WDR97: variants seen among roughly 807,000 people sequenced by gnomAD.
The protein encoded by WDR97 is WD repeat domain 97.
In WDR97, 111 loss-of-function variants were observed where a neutral mutation model predicts 65.4. The ratio of observed to expected loss-of-function variants is 1.70; its 90% CI spans 1.45 to 1.99. The LOEUF is 1.99. Ranked by LOEUF, WDR97 falls within the 30% of genes most tolerant of loss-of-function variation. WDR97 has a pLI of 0.00. For synonymous variants in WDR97, 802 were observed against 397.7 expected, an observed-to-expected ratio of 2.02 and a Z score of -12.10; for missense variants, 1,674 against 865.0, an observed-to-expected ratio of 1.94 and a Z score of -11.73.
At position 144,112,466 on chromosome 8, in the gene WDR97, G is replaced by A. The variant is rs544873138; in HGVS notation, c.3041G>A (p.Arg1014Lys). 101 of 702,700 alleles carry A rather than the reference G, an allele frequency of 1.4e-4. No homozygotes were observed. Among genetic ancestry groups the A allele is most frequent in the African/African-American group, 1.3e-3 (72 of 57,366 alleles). 43.5% of individuals were successfully genotyped at this position (702,700 alleles called of 1,614,324 possible). A position where few individuals can be genotyped will look rare whatever the true frequency, so the allele number is the denominator to read the frequency against. The change falls in exon 15 of 24, where the codon AGA becomes AAA. Residue 1014 changes from arginine (R) to lysine (K), a missense_variant. Transcript: ENST00000323662. Reference sequence around the variant, plus strand: ...CCCCAGATCCCACTGCTGCCAAAGAGATGGGACAAGGAACCTCTCTCTAGC... The same window carrying A: ...CCCCAGATCCCACTGCTGCCAAAGAAATGGGACAAGGAACCTCTCTCTAGC... ...LQCRIPLLPKRWDKEPLSSLR... is the reference protein window; with the variant it reads ...LQCRIPLLPKKWDKEPLSSLR...
intron 21 of WDR97, 27 bp from the exon 22 acceptor site, chr8:144,115,314 A>C (rs1391155881): frequency 1.7e-6 from 1 of 585,916 alleles, no homozygotes; most frequent in Non-Finnish European, 3.0e-6. Flanking sequence ...GGTCTCTAAG[A>C]CCTTAGCACT....
chr8:144,109,082 A>G lies in WDR97; in HGVS notation c.912A>G (p.Val304=), dbSNP rs778840366. 3 of 703,146 alleles carry G rather than the reference A, an allele frequency of 4.3e-6. No homozygotes were observed. The highest frequency in any genetic ancestry group is 7.8e-6 in the Non-Finnish European group (3 of 385,034). 43.6% of individuals were successfully genotyped at this position (703,146 alleles called of 1,614,324 possible). Residue 304 remains valine, a synonymous_variant, in exon 4 of 24, where the codon GTA becomes GTG. Transcript: ENST00000323662. ...TISDLAYCEE[V]EAMVTASRDS... ...CGGACCTGGCTTACTGCGAGGAAGT[A>G]GAGGCAATGGTGACAGCTTCCCGGG...
In WDR97 at chr8:144,109,524, C is replaced by T. The variant is rs911254259; in HGVS notation, c.1190C>T (p.Pro397Leu). 3 of 697,110 alleles carry T rather than the reference C, an allele frequency of 4.3e-6. No individual in the cohort carries two copies. The highest frequency in any genetic ancestry group is 3.5e-5 in the African/African-American group (2 of 56,986). 43.2% of individuals were successfully genotyped at this position (697,110 alleles called of 1,614,324 possible). The part of the protein sequence containing the change: ...RLLAPVRPGW[P>L]VLSLCASSMQ... ...CTGGCGCCGGTGCGCCCGGGCTGGC[C>T]GGTGCTGTCCCTGTGCGCGAGCAGC... Residue 397 changes from proline (P) to leucine (L), a missense_variant, in exon 5 of 24, where the codon CCG (proline) becomes CTG (leucine). Transcript: ENST00000323662.
Position 144,108,612 on chromosome 8 carries a change from CCTGCTGTGG to C in WDR97, c.550_558del (p.Leu184_Leu186del). The C allele has an allele frequency of 1.4e-6, 1 of 700,678 alleles. No homozygotes were observed. Among genetic ancestry groups the C allele is most frequent in the Non-Finnish European group, 2.6e-6 (1 of 384,436 alleles). 43.4% of individuals were successfully genotyped at this position (700,678 alleles called of 1,614,324 possible). A position where few individuals can be genotyped will look rare whatever the true frequency, so the allele number is the denominator to read the frequency against. ...TGGCAATTCTGAGGCCCAACCTCAG[CCTGCTGTGG>C]CTGAGCGAGCAGGGGGTGGGCAGGG... On this transcript the variant is annotated inframe_deletion, in exon 3 of 24. Coordinates refer to ENST00000323662, the MANE Select transcript of WDR97 (RefSeq NM_001316309.2).
rs1482087410 is a variant in WDR97 at position 144,111,406 on chromosome 8, G to A, written c.2427-20G>A. 1.4e-6 allele frequency: 1 copy of A among 702,762 alleles called. No homozygotes were observed. 43.5% of individuals were successfully genotyped at this position (702,762 alleles called of 1,614,324 possible). ...TGGCATGCCACCCAGCATCCCACCT[G>A]TGCCTGTCCCTGTTTGCAGCGAGGC... is the stretch of plus-strand genomic sequence containing the variant. On this transcript the variant is annotated intron_variant, in intron 10 of 23. Transcript: ENST00000323662.
intron 1 of WDR97, 50 bp from the exon 2 acceptor site, chr8:144,108,009 G>A (rs1836452223): frequency 1.4e-6 from 1 of 702,548 alleles, no homozygotes; most frequent in Middle Eastern, 2.4e-4. Flanking sequence ...AACCGTCAGG[G>A]TCGAGGACCT....
In WDR97 at chr8:144,114,436, C is replaced by T. The variant is rs367874342; in HGVS notation, c.3753C>T (p.Leu1251=). The T allele has an allele frequency of 7.3e-5, 51 of 702,824 alleles. No individual in the cohort carries two copies. Among genetic ancestry groups the T allele is most frequent in the East Asian group, 7.0e-4 (26 of 37,286 alleles). The allele number at this position is 702,824 out of a possible 1,614,324, so 43.5% of individuals were successfully genotyped here. A position where few individuals can be genotyped will look rare whatever the true frequency, so the allele number is the denominator to read the frequency against. Residue 1251 remains leucine (L), a synonymous_variant, in exon 19 of 24, where the codon CTC becomes CTT. Transcript: ENST00000323662. ...SDLQGQLQGL[L]VHLLNLDQPP... ...TCCAAGGCCAGCTGCAGGGCCTGCT[C>T]GTACACTTGCTCAACCTGGACCAGC...
intron 18 of WDR97, 34 bp downstream of exon 18, chr8:144,114,196 G>C: frequency 1.4e-6 from 1 of 699,286 alleles, no homozygotes; most frequent in Non-Finnish European, 2.6e-6. Context: ...GAGAAGCATG[G>C]GTTAGGGTGA....
chr8:144,112,668 C>A, intron 15 of WDR97, 138 bp downstream of exon 15: 1 of 650,686 alleles, frequency 1.5e-6, no homozygotes, highest in Non-Finnish European at 2.8e-6. Flanking sequence ...GAGGGCCAGG[C>A]TGTAGCCTCC....
rs1836503238 is a variant in WDR97 at position 144,109,686 on chromosome 8, C to T, written c.1352C>T (p.Ala451Val). Residue 451 changes from alanine (A) to valine (V), a missense_variant, in exon 5 of 24, where the codon GCC becomes GTC. Physicochemically the swap from Ala to Val is moderately conservative, Grantham distance 64. Transcript: ENST00000323662. ...SLPTRLVCAC[A>V]DGSVYLLSAA... is the part of the protein sequence containing the mutation. ...CCTACGCGCCTCGTGTGCGCGTGCG[C>T]CGACGGCTCGGTCTACCTCCTGTCG... 1.5e-6 allele frequency: 1 copy of T among 670,220 alleles called. No homozygotes were observed. The highest frequency in any genetic ancestry group is 1.9e-5 in the African/African-American group (1 of 53,252). 41.5% of individuals were successfully genotyped at this position (670,220 alleles called of 1,614,324 possible).
In WDR97 at chr8:144,109,853, C is replaced by T; in HGVS notation, c.1519C>T (p.Pro507Ser). The T allele has an allele frequency of 1.4e-6, 1 of 698,400 alleles. No individual in the cohort carries two copies. The highest frequency in any genetic ancestry group is 2.6e-6 in the Non-Finnish European group (1 of 382,610). The allele number at this position is 698,400 out of a possible 1,614,324, so 43.3% of individuals were successfully genotyped here. A position where few individuals can be genotyped will look rare whatever the true frequency, so the allele number is the denominator to read the frequency against. Residue 507 changes from proline to serine, a missense_variant, in exon 5 of 24, where the codon CCC becomes TCC. By Grantham distance (74) the Pro-to-Ser change is moderately conservative. Transcript: ENST00000323662. ...GGTCCGCGCCAACGCGGCGCGCTGC[C>T]CCATGAGCGTGCTGCACCGCGTGTG... ...HLVRANAARC[P>S]MSVLHRVCPP...
chr8:144,109,621 G>T lies in WDR97; in HGVS notation c.1287G>T (p.Gln429His). The T allele has an allele frequency of 1.5e-6, 1 of 683,572 alleles. No homozygotes were observed. The highest frequency in any genetic ancestry group is 2.7e-6 in the Non-Finnish European group (1 of 376,584). 42.3% of individuals were successfully genotyped at this position (683,572 alleles called of 1,614,324 possible). A position where few individuals can be genotyped will look rare whatever the true frequency, so the allele number is the denominator to read the frequency against. Residue 429 changes from glutamine (Q) to histidine (H), a missense_variant, in exon 5 of 24, where the codon CAG becomes CAT. Coordinates refer to ENST00000323662, the MANE Select transcript of WDR97 (RefSeq NM_001316309.2). The stretch of plus-strand genomic sequence containing the variant: ...TGCCCGCCAAGGTGCTCCACGTGCA[G>T]GTGGCGCCCGCGTTGCCCGCGCCTG... Reference protein sequence around the residue: ...AQLPAKVLHVQVAPALPAPAH... With the variant: ...AQLPAKVLHVHVAPALPAPAH...
Position 144,111,712 on chromosome 8 carries a change from A to G in WDR97, c.2568A>G (p.Pro856=). The change falls in exon 12 of 24, where the codon CCA becomes CCG. Residue 856 remains proline, a synonymous_variant. Coordinates refer to ENST00000323662, the MANE Select transcript of WDR97 (RefSeq NM_001316309.2). Reference sequence around the variant, plus strand: ...TAGTGGTCCCAGCAGCCCAGCCCCCACCCTCCTGGCAGCAGCGCCAGGAAG... The same window carrying G: ...TAGTGGTCCCAGCAGCCCAGCCCCCGCCCTCCTGGCAGCAGCGCCAGGAAG... ...LGLVVPAAQP[P]PSWQQRQEGF... 2.9e-6 allele frequency: 2 copies of G among 696,836 alleles called. No individual in the cohort carries two copies. Among genetic ancestry groups the G allele is most frequent in the South Asian group, 3.0e-5 (2 of 67,244 alleles). The allele number at this position is 696,836 out of a possible 1,614,324, so 43.2% of individuals were successfully genotyped here.
Position 144,115,948 on chromosome 8 carries a change from AC to A in WDR97, c.4605del (p.Ile1536SerfsTer17), listed in dbSNP as rs1458280462. 6 of 700,420 alleles carry A rather than the reference AC, an allele frequency of 8.6e-6. No homozygotes were observed. The highest frequency in any genetic ancestry group is 2.0e-5 in the Admixed American group (1 of 49,938). The allele number at this position is 700,420 out of a possible 1,614,324, so 43.4% of individuals were successfully genotyped here. Reference sequence around the variant, plus strand: ...ACCCTCCTCTTTGCCTCCAGGTACCACCCCATCCTCCGGCTGCAGGAGGCCA... The same window carrying A: ...ACCCTCCTCTTTGCCTCCAGGTACCACCCATCCTCCGGCTGCAGGAGGCCA... ...VVPPPREHWY[H>X]PILRLQEAKP... On this transcript the variant is annotated frameshift_variant, in exon 23 of 24. Coordinates refer to ENST00000323662, the MANE Select transcript of WDR97 (RefSeq NM_001316309.2). LOFTEE classifies it high-confidence loss of function.
chr8:144,111,878 A>G lies in WDR97; in HGVS notation c.2638-9A>G. ...CTCTGATGGTCTGTCTGCTCCTGCT[A>G]CCTCCCAGGGCATGCAGTCTGGAAG... On this transcript the variant is annotated splice_polypyrimidine_tract_variant and intron_variant, in intron 12 of 23. Coordinates refer to ENST00000323662, the MANE Select transcript of WDR97 (RefSeq NM_001316309.2). The G allele has an allele frequency of 1.4e-6, 1 of 697,880 alleles. No homozygotes were observed. The highest frequency in any genetic ancestry group is 2.3e-4 in the Middle Eastern group (1 of 4,354). The allele number at this position is 697,880 out of a possible 1,614,324, so 43.2% of individuals were successfully genotyped here.
rs1042519889 is a variant in WDR97, at chr8:144,114,369, T to C, written c.3686T>C (p.Leu1229Pro). The C allele has an allele frequency of 2.0e-5, 14 of 702,802 alleles. No homozygotes were observed. The highest frequency in any genetic ancestry group is 2.0e-5 in the Admixed American group (1 of 50,012). 43.5% of individuals were successfully genotyped at this position (702,802 alleles called of 1,614,324 possible). A position where few individuals can be genotyped will look rare whatever the true frequency, so the allele number is the denominator to read the frequency against. ...ACGTGGGTCGACCGTGTGCACATCC[T>C]GCAGGTGCTACTGAGACTGCTGCCC... ...KTTWVDRVHI[L>P]QVLLRLLPNM... The change falls in exon 19 of 24, where the codon CTG (leucine) becomes CCG (proline). Residue 1229 changes from leucine (L) to proline (P), a missense_variant. Transcript: ENST00000323662.
chr8:144,115,352 G>A lies in WDR97; in HGVS notation c.4089G>A (p.Ser1363=), dbSNP rs1836628604. The change falls in exon 22 of 24, where the codon TCG becomes TCA. Residue 1363 remains serine (S), a synonymous_variant. Transcript: ENST00000323662. ...CCTCTCCTCCCAAGGAGACCCCATC[G>A]CAGACGTCAGTGGTCTCTGGGGCAC... ...DMIQELQETP[S]QTSVVSGAPT... is the part of the protein sequence containing the mutation. 2 of 599,858 alleles carry A rather than the reference G, an allele frequency of 3.3e-6. No individual in the cohort carries two copies. Among genetic ancestry groups the A allele is most frequent in the African/African-American group, 1.9e-5 (1 of 53,838 alleles). The allele number at this position is 599,858 out of a possible 1,614,324, so 37.2% of individuals were successfully genotyped here. A position where few individuals can be genotyped will look rare whatever the true frequency, so the allele number is the denominator to read the frequency against.
At chr8:144,112,949 C>CA in intron 15 of WDR97, 1 of 297,514 alleles carries the variant, frequency 3.4e-6, no homozygotes, top group East Asian at 7.5e-5. Flanking sequence ...TTCCCACCCT[C>CA]ACGTACACCA....
chr8:144,113,410 C>T (rs899653919), intron 15 of WDR97, 30 bp from the exon 16 acceptor site: 1 of 701,486 alleles, frequency 1.4e-6, no homozygotes, highest in African/African-American at 1.7e-5. Flanking sequence ...AATCCAGGTC[C>T]TCAGCATTCC....
Sources: gnomAD v4.1 joint callset for allele counts on GRCh38, gnomAD v4.1.1 for gene constraint, MANE v1.5 for transcripts, NCBI Gene and HGNC (gene_info 2026-07-23, HGNC 2026-07-21) for gene names.